KCNH5: variants seen among roughly 807,000 people sequenced by gnomAD.
The protein encoded by KCNH5 is voltage-gated delayed rectifier potassium channel KCNH5.
A neutral mutation model predicts 96.1 loss-of-function variants in KCNH5; 46 were observed. The ratio of observed to expected loss-of-function variants is 0.48; its 90% confidence interval spans 0.38 to 0.61. The LOEUF is 0.61. Among genes scored for constraint, KCNH5 ranks in the 20% least tolerant of loss-of-function variants. The pLI, the probability that KCNH5 is intolerant of heterozygous loss-of-function variation, is 0.00. For synonymous variants in KCNH5, 439 were observed against 449.8 expected (o/e 0.98, Z 0.30); for missense variants, 907 against 1,225.8 (o/e 0.74, Z 3.88).
chr14:62,742,319 T>C (rs891487232), intron 10 of KCNH5, among the ~76,000 whole-genome samples: 17 of 152,116 alleles, frequency 1.1e-4, no homozygotes, highest in African/African-American at 4.1e-4. Flanking sequence ...AAGGCATGAA[T>C]AAAAATAATT....
intron 9 of KCNH5, among the ~76,000 whole-genome samples, chr14:62,791,350 G>C (rs768141101): frequency 6.6e-6 from 1 of 151,380 alleles, no homozygotes; most frequent in Non-Finnish European, 1.5e-5. Flanking sequence ...CAGTAAGTAA[G>C]TCACAAGAAG....
chr14:62,736,643 A>T (rs927593404), intron 10 of KCNH5, among the ~76,000 whole-genome samples: 1 of 152,010 alleles, frequency 6.6e-6, no homozygotes, highest in Non-Finnish European at 1.5e-5. Flanking sequence ...TTCCAACCCC[A>T]CCGTAAAACT....
chr14:62,853,840 C>G (rs573460344), intron 7 of KCNH5, among the ~76,000 whole-genome samples: 236 of 151,802 alleles, frequency 1.6e-3, no homozygotes, highest in African/African-American at 5.6e-3. Context: ...AACCCCATCT[C>G]TACTAAAAAT....
Position 62,705,976 on chromosome 14 carries a change from A to C in KCNH5, c.*1532T>G, listed in dbSNP as rs1224220862. 2 of 152,090 alleles carry C rather than the reference A, an allele frequency of 1.3e-5. No homozygotes were observed. 9.4% of individuals were successfully genotyped at this position (152,090 alleles called of 1,614,324 possible). A position where few individuals can be genotyped will look rare whatever the true frequency, so the allele number is the denominator to read the frequency against. On this transcript the variant is annotated 3_prime_UTR_variant, in exon 11 of 11. Transcript: ENST00000322893. ...CTGCTCCCCATATTAAATGCTGTGCATGCACTGACTGAAAAGTATGCTTCC... is the reference window on the plus strand; with the variant it reads ...CTGCTCCCCATATTAAATGCTGTGCCTGCACTGACTGAAAAGTATGCTTCC...
chr14:63,003,355 C>T (rs1414751389), intron 3 of KCNH5, among the ~76,000 whole-genome samples: 2 of 147,724 alleles, frequency 1.4e-5, no homozygotes, highest in East Asian at 3.9e-4. Context: ...CCTGCTGTGG[C>T]TGAATCTCGG....
At chr14:62,768,855 G>A (rs548607176) in intron 10 of KCNH5, among the ~76,000 whole-genome samples, 69 of 152,270 alleles carry the variant, frequency 4.5e-4, no homozygotes, top group African/African-American at 1.6e-3. Flanking sequence ...AACTGCTTTG[G>A]AGGCATATTC....
intron 1 of KCNH5, among the ~76,000 whole-genome samples, chr14:63,035,028 AATG>A (rs1311701924): frequency 6.6e-6 from 1 of 152,226 alleles, no homozygotes; most frequent in Non-Finnish European, 1.5e-5. Flanking sequence ...ACCCTGATAT[AATG>A]ATAACATTTT....
At chr14:62,822,830 A>T (rs1289080251) in intron 8 of KCNH5, among the ~76,000 whole-genome samples, 1 of 152,086 alleles carries the variant, frequency 6.6e-6, no homozygotes, top group African/African-American at 2.4e-5. Context: ...AAAAAAGAAC[A>T]CCAAAAATTT....
chr14:62,798,620 A>G (rs1351260060), intron 9 of KCNH5, among the ~76,000 whole-genome samples: 2 of 152,208 alleles, frequency 1.3e-5, no homozygotes, highest in Non-Finnish European at 2.9e-5. Context: ...TTCAAATTGA[A>G]AAAAGACATG....
At chr14:62,826,531 C>T (rs969181570) in intron 8 of KCNH5, among the ~76,000 whole-genome samples, 1 of 151,488 alleles carries the variant, frequency 6.6e-6, no homozygotes, top group Non-Finnish European at 1.5e-5. Flanking sequence ...TAGGTTAGGG[C>T]TAAGCTCTAT....
intron 8 of KCNH5, among the ~76,000 whole-genome samples, chr14:62,848,662 T>G (rs1169531199): frequency 1.3e-5 from 2 of 152,174 alleles, no homozygotes; most frequent in Non-Finnish European, 1.5e-5. Context: ...GAAATTCTCC[T>G]AACTAAACAT....
rs71120235 is a variant in KCNH5 at position 62,814,782 on chromosome 14, CAAAAAAAA to C, written c.1570-12209_1570-12202del. On this transcript the variant is annotated intron_variant, in intron 8 of 10. Coordinates refer to ENST00000322893, the MANE Select transcript of KCNH5 (RefSeq NM_139318.5). ...TGGGCGACAAAGCGAGACTCCATCT[CAAAAAAAA>C]AAAAAAAAAAAAAAAAAAAAAGAAT... Among the ~76,000 whole-genome samples the C allele has an allele frequency of 3.3e-4, 11 of 33,756 alleles. No homozygotes were observed. In the South Asian group the frequency reaches 3.4e-3, roughly 11 times the overall value. The allele number at this position is 33,756 out of a possible 152,430, so 22.1% of individuals were successfully genotyped here. A position where few individuals can be genotyped will look rare whatever the true frequency, so the allele number is the denominator to read the frequency against.
At chr14:62,774,084 G>A (rs1184383313) in intron 10 of KCNH5, among the ~76,000 whole-genome samples, 1 of 152,136 alleles carries the variant, frequency 6.6e-6, no homozygotes, top group East Asian at 1.9e-4. Context: ...GACTATTGCA[G>A]CATAAGATAC....
chr14:62,900,674 T>C (rs1334049103), intron 7 of KCNH5, among the ~76,000 whole-genome samples: 1 of 151,776 alleles, frequency 6.6e-6, no homozygotes, highest in Non-Finnish European at 1.5e-5. Flanking sequence ...AAAAGTTTTC[T>C]AAAAAATGAA....
intron 10 of KCNH5, among the ~76,000 whole-genome samples, chr14:62,740,632 T>C (rs1885252846): frequency 6.6e-6 from 1 of 152,214 alleles, no homozygotes. Context: ...TCTGATTTTT[T>C]CCTTTATTTT....
At chr14:62,940,286 G>A (rs944819589) in intron 7 of KCNH5, among the ~76,000 whole-genome samples, 4 of 151,800 alleles carry the variant, frequency 2.6e-5, no homozygotes, top group African/African-American at 9.7e-5. Context: ...GAGACCATAT[G>A]GCTCACAAAG....
chr14:62,740,822 C>T (rs2139934441), intron 10 of KCNH5, among the ~76,000 whole-genome samples: 1 of 152,210 alleles, frequency 6.6e-6, no homozygotes, highest in Admixed American at 6.5e-5. Context: ...CATGCAAAGT[C>T]TTCTCCCTGT....
intron 7 of KCNH5, among the ~76,000 whole-genome samples, chr14:62,868,329 C>G (rs1888176910): frequency 6.6e-6 from 1 of 152,202 alleles, no homozygotes; most frequent in Non-Finnish European, 1.5e-5. Flanking sequence ...CAATTTTACT[C>G]AATTCATAAA....
chr14:62,891,253 C>A (rs1415936413), intron 7 of KCNH5, among the ~76,000 whole-genome samples: 1 of 152,134 alleles, frequency 6.6e-6, no homozygotes, highest in Non-Finnish European at 1.5e-5. Context: ...ATGTCTTTTG[C>A]AGGAATATGG....
Sources: allele counts gnomAD v4.1 joint callset (sites outside exome capture counted in the v4.1 genomes callset), GRCh38; gene constraint gnomAD v4.1.1; transcripts MANE v1.5; gene names NCBI Gene and HGNC (gene_info 2026-07-23, HGNC 2026-07-21).